CASR: variants seen among roughly 807,000 people sequenced by gnomAD.
The protein encoded by CASR is extracellular calcium-sensing receptor.
CASR carries 23 observed loss-of-function variants against 69.1 expected under a neutral mutation model. The ratio of observed to expected loss-of-function variants is 0.33; its 90% CI spans 0.24 to 0.47. CASR has a LOEUF of 0.47. Among genes scored for constraint, CASR ranks in the 20% least tolerant of loss-of-function variants. The pLI is 1.00. For missense variants in CASR, 924 were observed against 1,356.1 expected (o/e 0.68, Z 5.00); for synonymous variants, 541 against 544.7 (o/e 0.99, Z 0.10).
chr3:122,259,592 A>G (rs982464879), intron 3 of CASR, among the ~76,000 whole-genome samples: 2 of 151,586 alleles, frequency 1.3e-5, no homozygotes, highest in Admixed American at 6.6e-5. Context: ...TTTCTAATGT[A>G]GAAACTATCC....
At chr3:122,208,380 T>C (rs2074029669) in intron 1 of CASR, among the ~76,000 whole-genome samples, 1 of 152,182 alleles carries the variant, frequency 6.6e-6, no homozygotes, top group Non-Finnish European at 1.5e-5. Flanking sequence ...GATGTTAAGA[T>C]TATCATGTTT....
At chr3:122,230,550 G>A (rs1010622102) in intron 1 of CASR, among the ~76,000 whole-genome samples, 1 of 152,176 alleles carries the variant, frequency 6.6e-6, no homozygotes, top group African/African-American at 2.4e-5. Context: ...CTGCAACAGG[G>A]CAGCGGCTGA....
chr3:122,234,360 A>T (rs1472795584), intron 1 of CASR, among the ~76,000 whole-genome samples: 1 of 152,222 alleles, frequency 6.6e-6, no homozygotes, highest in Admixed American at 6.5e-5. Flanking sequence ...GATTTGGCCC[A>T]TGGAATGTAG....
intron 1 of CASR, among the ~76,000 whole-genome samples, chr3:122,191,021 T>C (rs1210073493): frequency 2.0e-5 from 3 of 152,224 alleles, no homozygotes; most frequent in Non-Finnish European, 2.9e-5. Context: ...CTCCACCTTA[T>C]ACAGATTTCA....
intron 1 of CASR, among the ~76,000 whole-genome samples, chr3:122,240,615 G>A (rs1359652711): frequency 2.0e-5 from 3 of 152,140 alleles, no homozygotes; most frequent in African/African-American, 7.2e-5. Flanking sequence ...TTCAGCATTG[G>A]ACTGATCTTC....
At chr3:122,274,091 A>G (rs2074788688) in intron 4 of CASR, among the ~76,000 whole-genome samples, 2 of 152,246 alleles carry the variant, frequency 1.3e-5, no homozygotes, top group South Asian at 4.1e-4. Flanking sequence ...AATCCTTAGT[A>G]GGAGCCATTC....
chr3:122,273,350 A>C (rs543789877), intron 4 of CASR, among the ~76,000 whole-genome samples: 3 of 152,210 alleles, frequency 2.0e-5, no homozygotes, highest in Non-Finnish European at 4.4e-5. Flanking sequence ...CCTCCGTTTC[A>C]TCATCTAGAA....
At chr3:122,252,291 T>G (rs1188777681) in intron 1 of CASR, among the ~76,000 whole-genome samples, 2 of 141,380 alleles carry the variant, frequency 1.4e-5, no homozygotes, top group Non-Finnish European at 3.0e-5. Context: ...AGAGCCAGAT[T>G]CTGTCAGAAA....
At chr3:122,205,500 C>T (rs1300215752) in intron 1 of CASR, among the ~76,000 whole-genome samples, 1 of 152,002 alleles carries the variant, frequency 6.6e-6, no homozygotes, top group East Asian at 1.9e-4. Flanking sequence ...ATTTTAAAGT[C>T]AAGTAGTGTG....
At chr3:122,282,789 G>A (rs534302773) in intron 6 of CASR, among the ~76,000 whole-genome samples, 5 of 152,348 alleles carry the variant, frequency 3.3e-5, no homozygotes, top group Admixed American at 1.3e-4. Flanking sequence ...ATTAACTATA[G>A]TTGATATTAT....
At chr3:122,237,764 A>G (rs989331902) in intron 1 of CASR, among the ~76,000 whole-genome samples, 5 of 152,236 alleles carry the variant, frequency 3.3e-5, no homozygotes, top group Admixed American at 6.5e-5. Context: ...AATGACCACA[A>G]TGAAAAAGAC....
chr3:122,229,903 C>T (rs1197221323), intron 1 of CASR, among the ~76,000 whole-genome samples: 1 of 152,138 alleles, frequency 6.6e-6, no homozygotes, highest in Non-Finnish European at 1.5e-5. Context: ...CCATTCCTAA[C>T]CAAGTAAACT....
intron 1 of CASR, among the ~76,000 whole-genome samples, chr3:122,217,632 A>G (rs1215907779): frequency 6.6e-6 from 1 of 152,242 alleles, no homozygotes; most frequent in Non-Finnish European, 1.5e-5. Context: ...TTATCAGCTC[A>G]TCTTACACCA....
intron 1 of CASR, among the ~76,000 whole-genome samples, chr3:122,192,121 T>C (rs997012960): frequency 6.6e-6 from 1 of 152,254 alleles, no homozygotes; most frequent in African/African-American, 2.4e-5. Flanking sequence ...AAAAAGCCTA[T>C]GAATCCAATA....
rs890084212 is a variant in CASR at position 122,288,795 on chromosome 3, A to T, written c.*3604A>T. 6.6e-6 allele frequency: 1 copy of T among 152,160 alleles called. No homozygotes were observed. The highest frequency in any genetic ancestry group is 1.5e-5 in the Non-Finnish European group (1 of 68,012). 9.4% of individuals were successfully genotyped at this position (152,160 alleles called of 1,614,324 possible). A position where few individuals can be genotyped will look rare whatever the true frequency, so the allele number is the denominator to read the frequency against. ...TATGATCACCTTTTAATTACTTTTT[A>T]AAATATTTCTTAGGTTTTGTTAACA... On this transcript the variant is annotated 3_prime_UTR_variant, in exon 7 of 7. Transcript: ENST00000639785.
At chr3:122,249,554 A>G (rs887485803) in intron 1 of CASR, among the ~76,000 whole-genome samples, 1 of 152,230 alleles carries the variant, frequency 6.6e-6, no homozygotes, top group African/African-American at 2.4e-5. Context: ...TGAAAAGCCT[A>G]ACAAGCCATT....
In CASR at chr3:122,231,294, G is replaced by A. The variant is rs565261387; in HGVS notation, c.-242-22654G>A. Among the ~76,000 whole-genome samples the A allele has an allele frequency of 6.6e-5, 10 of 152,264 alleles. 1 individual carries two copies. The highest frequency in any genetic ancestry group is 2.4e-4 in the African/African-American group (10 of 41,540). On this transcript the variant is annotated intron_variant, in intron 1 of 6. Transcript: ENST00000639785. ...GTTTGAAGGTGGCCATCCCACGAGTGGGCTAAACTAGGCATTCTAGGACTG... is the reference window on the plus strand; with the variant it reads ...GTTTGAAGGTGGCCATCCCACGAGTAGGCTAAACTAGGCATTCTAGGACTG...
At chr3:122,205,695 T>C (rs1363986228) in intron 1 of CASR, among the ~76,000 whole-genome samples, 1 of 152,144 alleles carries the variant, frequency 6.6e-6, no homozygotes, top group East Asian at 1.9e-4. Context: ...TTCTAATCCA[T>C]GAGCATGGAA....
At chr3:122,283,098 G>T (rs2074912916) in intron 6 of CASR, among the ~76,000 whole-genome samples, 1 of 152,148 alleles carries the variant, frequency 6.6e-6, no homozygotes, top group South Asian at 2.1e-4. Context: ...ATGTGCATGG[G>T]ATACTCTGCC....
Sources: allele counts gnomAD v4.1 joint callset (sites outside exome capture counted in the v4.1 genomes callset), GRCh38; gene constraint gnomAD v4.1.1; transcripts MANE v1.5; gene names NCBI Gene and HGNC (gene_info 2026-07-23, HGNC 2026-07-21).